The following TNR variants were observed in gnomAD, a reference collection of about 807,000 sequenced individuals.
TNR encodes the protein tenascin-R.
TNR carries 45 observed loss-of-function variants against 150.4 expected under a neutral mutation model. That is an observed-to-expected ratio of 0.30 (90% CI 0.24 to 0.38). The LOEUF is 0.38. TNR is among the 10% of genes least tolerant of loss of function. The probability of loss-of-function intolerance (pLI) is 1.00; values close to 1 mark genes in which losing one functional copy is unlikely to be tolerated. For synonymous variants in TNR, 687 were observed against 678.4 expected, an observed-to-expected ratio of 1.01 and a Z score of -0.20; for missense variants, 1,544 against 1,759.1, an observed-to-expected ratio of 0.88 and a Z score of 2.19.
chr1:175,612,649 T>C (rs1290420042), intron 1 of TNR, among the ~76,000 whole-genome samples: 1 of 152,210 alleles, frequency 6.6e-6, no homozygotes, highest in Admixed American at 6.5e-5. Flanking sequence ...GTTTTACAAA[T>C]GAAATAAGGA....
chr1:175,639,183 A>T (rs1664575388), intron 1 of TNR, among the ~76,000 whole-genome samples: 1 of 152,232 alleles, frequency 6.6e-6, no homozygotes, highest in South Asian at 2.1e-4. Flanking sequence ...ATCTCAAGTC[A>T]GATGACACCA....
intron 2 of TNR, among the ~76,000 whole-genome samples, chr1:175,447,814 C>T (rs564932997): frequency 4.6e-5 from 7 of 152,140 alleles, no homozygotes; most frequent in Non-Finnish European, 7.3e-5. Flanking sequence ...GGGAAAATTC[C>T]TCAGTTAATA....
At chr1:175,484,595 A>G (rs1032974165) in intron 2 of TNR, among the ~76,000 whole-genome samples, 2 of 150,132 alleles carry the variant, frequency 1.3e-5, no homozygotes, top group Non-Finnish European at 3.0e-5. Context: ...CCCTTCCTCA[A>G]TTGTTTTTGT....
At chr1:175,365,548 G>A (rs17303987) in intron 11 of TNR, among the ~76,000 whole-genome samples, 4,350 of 152,232 alleles carry the variant, frequency 0.029, 91 homozygotes, top group Non-Finnish European at 0.044. Context: ...CTGTATCCTG[G>A]AATGAATTTT....
chr1:175,716,252 T>C (rs1385974778), intron 1 of TNR, among the ~76,000 whole-genome samples: 3 of 152,152 alleles, frequency 2.0e-5, no homozygotes, highest in Non-Finnish European at 4.4e-5. Flanking sequence ...GATTCTCCAT[T>C]TTCCATTCTT....
intron 1 of TNR, among the ~76,000 whole-genome samples, chr1:175,577,660 A>G (rs1371211438): frequency 6.6e-6 from 1 of 152,046 alleles, no homozygotes; most frequent in Non-Finnish European, 1.5e-5. Flanking sequence ...GCGCCTGTAA[A>G]TAATGCCATC....
At position 175,723,670 on chromosome 1, in the gene TNR, G is replaced by A. The variant is rs185609268; in HGVS notation, c.-165+19556C>T. On this transcript the variant is annotated intron_variant, in intron 1 of 22. Transcript: ENST00000367674. Reference sequence around the variant, plus strand: ...GTGGACCACTTGAGGCCAGGGATTCGAGGCCAGCCTGGCCAACATGGTGAA... The same window carrying A: ...GTGGACCACTTGAGGCCAGGGATTCAAGGCCAGCCTGGCCAACATGGTGAA... Among the ~76,000 whole-genome samples, 251 of 152,222 alleles carry A rather than the reference G, an allele frequency of 1.6e-3. 1 individual carries two copies. The highest frequency in any genetic ancestry group is 0.011 in the Admixed American group (173 of 15,292).
intron 18 of TNR, among the ~76,000 whole-genome samples, chr1:175,352,903 G>A (rs767794747): frequency 1.3e-5 from 2 of 152,328 alleles, no homozygotes; most frequent in Middle Eastern, 6.8e-3. Flanking sequence ...CAGTGGGGGA[G>A]ACACCTGGTG....
At position 175,682,301 on chromosome 1, in the gene TNR, C is replaced by T. The variant is rs553426888; in HGVS notation, c.-165+60925G>A. Among the ~76,000 whole-genome samples, 3 of 152,280 alleles carry T rather than the reference C, an allele frequency of 2.0e-5. No individual in the cohort carries two copies. In the East Asian group the frequency reaches 5.8e-4, roughly 29 times the overall value. On this transcript the variant is annotated intron_variant, in intron 1 of 22. Coordinates refer to ENST00000367674, the MANE Select transcript of TNR (RefSeq NM_003285.3). ...GAGCTTCCCCGGGCCCAGGTGCTTA[C>T]ATGCATAAGCTCCTAAATCCTCACA...
At chr1:175,667,905 G>A (rs947407165) in intron 1 of TNR, among the ~76,000 whole-genome samples, 14 of 152,182 alleles carry the variant, frequency 9.2e-5, no homozygotes, top group African/African-American at 3.4e-4. Context: ...CAGCAGGTCA[G>A]CCAAAGAGAC....
chr1:175,327,300 G>T (rs1035490347), intron 21 of TNR, among the ~76,000 whole-genome samples: 1 of 152,110 alleles, frequency 6.6e-6, no homozygotes, highest in Non-Finnish European at 1.5e-5. Flanking sequence ...GCCACCTCAT[G>T]TGTTTAACAC....
intron 2 of TNR, among the ~76,000 whole-genome samples, chr1:175,416,204 T>C (rs1269425137): frequency 1.3e-5 from 2 of 152,098 alleles, no homozygotes; most frequent in Non-Finnish European, 2.9e-5. Flanking sequence ...ACATATTGTA[T>C]ATGATCCCAT....
At chr1:175,525,733 G>T (rs1008691826) in intron 2 of TNR, among the ~76,000 whole-genome samples, 2 of 152,220 alleles carry the variant, frequency 1.3e-5, no homozygotes, top group African/African-American at 2.4e-5. Context: ...TAATGCTCAA[G>T]GGTTAAGCTC....
At chr1:175,398,819 A>G (rs1241178190) in intron 4 of TNR, among the ~76,000 whole-genome samples, 3 of 152,194 alleles carry the variant, frequency 2.0e-5, no homozygotes, top group African/African-American at 7.2e-5. Flanking sequence ...TCTATAAACT[A>G]TTTTCATATA....
Position 175,471,329 on chromosome 1 carries a change from T to G in TNR, c.-64+56940A>C, listed in dbSNP as rs139012001. On this transcript the variant is annotated intron_variant, in intron 2 of 22. Transcript: ENST00000367674. ...AAGATAAGTACAGTCACGCGTTGTT[T>G]AACCTGGAGGATTAGTGCTAAGAAA... 1.8e-4 allele frequency among the ~76,000 whole-genome samples: 27 copies of G among 152,310 alleles called. 1 individual carries two copies. The East Asian group carries it at 5.2e-3, about 29-fold the overall frequency.
At chr1:175,654,277 T>A (rs1454454368) in intron 1 of TNR, among the ~76,000 whole-genome samples, 1 of 152,256 alleles carries the variant, frequency 6.6e-6, no homozygotes, top group Non-Finnish European at 1.5e-5. Flanking sequence ...ATGCTGGTTA[T>A]AGCTGCAGAA....
In TNR at chr1:175,359,710, A is replaced by T; in HGVS notation, c.2876T>A (p.Leu959Gln). 2 of 1,613,428 alleles carry T rather than the reference A, an allele frequency of 1.2e-6. No individual in the cohort carries two copies. Among genetic ancestry groups the T allele is most frequent in the Non-Finnish European group, 1.7e-6 (2 of 1,179,650 alleles). ...TGTTGGAGTGATATTGGTAGCAATC[A>T]GATCCACAGGGTTGTCCATGGCTGA... ...VHTAMDNPVD[L>Q]IATNITPTEA... The change falls in exon 15 of 23, where the codon CTG (leucine) becomes CAG (glutamine). Residue 959 changes from leucine (L) to glutamine (Q), a missense_variant. Physicochemically the swap from Leu to Gln is moderately radical, Grantham distance 113 (BLOSUM62 -2). Coordinates refer to ENST00000367674, the MANE Select transcript of TNR (RefSeq NM_003285.3).
intron 1 of TNR, among the ~76,000 whole-genome samples, chr1:175,559,615 T>C (rs1571607346): frequency 6.6e-6 from 1 of 152,194 alleles, no homozygotes; most frequent in Non-Finnish European, 1.5e-5. Context: ...TGTTTTTAGA[T>C]GTAAATAAAT....
intron 2 of TNR, among the ~76,000 whole-genome samples, chr1:175,444,551 C>T (rs112711388): frequency 1.3e-5 from 2 of 152,336 alleles, no homozygotes; most frequent in African/African-American, 4.8e-5. Flanking sequence ...CCTTCACACA[C>T]CACATCCCAG....
Sources: allele counts gnomAD v4.1 joint callset (sites outside exome capture counted in the v4.1 genomes callset), GRCh38; gene constraint gnomAD v4.1.1; transcripts MANE v1.5; gene names NCBI Gene and HGNC (gene_info 2026-07-23, HGNC 2026-07-21).